PLCL2: variants seen among roughly 807,000 people sequenced by gnomAD.
The protein encoded by PLCL2 is inactive phospholipase C-like protein 2.
Under a neutral mutation model 79.6 loss-of-function variants are expected in PLCL2, and 4 were observed. The ratio of observed to expected loss-of-function variants is 0.05; its 90% CI spans 0.02 to 0.11. The LOEUF (loss-of-function observed/expected upper bound fraction) is 0.11. Among genes scored for constraint, PLCL2 ranks in the 10% least tolerant of loss-of-function variants. PLCL2 has a pLI of 1.00. For missense variants in PLCL2, 895 were observed against 1,291.0 expected, an observed-to-expected ratio of 0.69 and a Z score of 4.70; for synonymous variants, 484 against 457.7, an observed-to-expected ratio of 1.06 and a Z score of -0.73.
At chr3:16,935,121 CCTTTT>C (rs1474165846) in intron 1 of PLCL2, among the ~76,000 whole-genome samples, 3 of 152,122 alleles carry the variant, frequency 2.0e-5, no homozygotes, top group African/African-American at 7.2e-5. Flanking sequence ...AAAATACATA[CCTTTT>C]CTTTATTTTA....
chr3:16,962,658 C>G (rs898998369), intron 1 of PLCL2, among the ~76,000 whole-genome samples: 1 of 151,996 alleles, frequency 6.6e-6, no homozygotes, highest in Non-Finnish European at 1.5e-5. Context: ...AAATTCAAAT[C>G]AGAGGGGAGC....
rs781707143 is a variant in PLCL2, at chr3:17,009,669, C to G, written c.328-5C>G. On this transcript the variant is annotated splice_region_variant and splice_polypyrimidine_tract_variant and intron_variant, in intron 1 of 5. Coordinates refer to ENST00000615277, the MANE Select transcript of PLCL2 (RefSeq NM_001144382.2). The surrounding 1 kb of genome is among the most constrained non-coding windows in gnomAD (Gnocchi z 4.0). ...TTCTAATATACGGTCTTTTTTTCCT[C>G]TCAGGATGGTACAAAACAGAAGAGG... 1 of 1,528,478 alleles carries G rather than the reference C, an allele frequency of 6.5e-7. No homozygotes were observed. Among genetic ancestry groups the G allele is most frequent in the African/African-American group, 1.4e-5 (1 of 72,378 alleles). The allele number at this position is 1,528,478 out of a possible 1,614,324, so 94.7% of individuals were successfully genotyped here.
chr3:16,930,482 T>G (rs1047168480), intron 1 of PLCL2, among the ~76,000 whole-genome samples: 2 of 152,226 alleles, frequency 1.3e-5, no homozygotes, highest in African/African-American at 4.8e-5. Flanking sequence ...CCTTTGCTGA[T>G]TATATCTCTG....
At chr3:17,031,177 A>T (rs1056857466) in intron 3 of PLCL2, among the ~76,000 whole-genome samples, 4 of 152,108 alleles carry the variant, frequency 2.6e-5, no homozygotes, top group Admixed American at 2.6e-4. Context: ...AACCATTCTC[A>T]TCAGTTTTTT....
At chr3:17,014,383 G>T (rs60945602) in intron 2 of PLCL2, among the ~76,000 whole-genome samples, 4,393 of 151,602 alleles carry the variant, frequency 0.029, 237 homozygotes, top group African/African-American at 0.1. Context: ...GAAGCTATTC[G>T]CTCTGTTTGC....
At chr3:17,005,187 A>G (rs752552057) in intron 1 of PLCL2, among the ~76,000 whole-genome samples, 1 of 152,168 alleles carries the variant, frequency 6.6e-6, no homozygotes, top group Non-Finnish European at 1.5e-5. Context: ...AGTCTTTCAA[A>G]TGGAATAGGA....
chr3:16,887,848 T>A lies in PLCL2; in HGVS notation c.327+2482T>A, dbSNP rs1696259406. 6.6e-6 allele frequency among the ~76,000 whole-genome samples: 1 copy of A among 151,922 alleles called. No individual in the cohort carries two copies. The highest frequency in any genetic ancestry group is 1.5e-5 in the Non-Finnish European group (1 of 68,002). ...AGCAGAAGCCCATGTGAAAAAGCAA[T>A]AGTGACATCTTTCCTTGGTTTCCTT... On this transcript the variant is annotated intron_variant, in intron 1 of 5. Coordinates refer to ENST00000615277, the MANE Select transcript of PLCL2 (RefSeq NM_001144382.2). The surrounding 1 kb of genome is among the most constrained non-coding windows in gnomAD (Gnocchi z 4.1).
Position 17,010,635 on chromosome 3 carries a change from A to G in PLCL2, c.1289A>G (p.Gln430Arg). ...EHKKVCQDMK[Q>R]PLSHYFINSS... ...AAGAAGGTCTGTCAGGATATGAAGCAACCTCTGTCTCATTACTTTATAAAC... is the reference window on the plus strand; with the variant it reads ...AAGAAGGTCTGTCAGGATATGAAGCGACCTCTGTCTCATTACTTTATAAAC... Residue 430 changes from glutamine to arginine, a missense_variant, in exon 2 of 6, where the codon CAA (glutamine) becomes CGA (arginine). By Grantham distance (43) the Gln-to-Arg change is conservative (BLOSUM62 1). This residue lies in a region of PLCL2 where 242 missense variants were observed against 399.5 expected (regional missense o/e 0.61). Transcript: ENST00000615277. The surrounding 1 kb of genome is among the most constrained non-coding windows in gnomAD (Gnocchi z 5.8). 3 of 1,614,058 alleles carry G rather than the reference A, an allele frequency of 1.9e-6. No homozygotes were observed. The highest frequency in any genetic ancestry group is 2.5e-6 in the Non-Finnish European group (3 of 1,179,902).
chr3:16,958,016 C>T (rs941717126), intron 1 of PLCL2, among the ~76,000 whole-genome samples: 26 of 152,232 alleles, frequency 1.7e-4, no homozygotes, highest in South Asian at 8.3e-4. Flanking sequence ...TTGGAGCATG[C>T]AGTCCATTTA....
At chr3:16,904,608 G>A (rs1696709548) in intron 1 of PLCL2, among the ~76,000 whole-genome samples, 1 of 152,132 alleles carries the variant, frequency 6.6e-6, no homozygotes, top group South Asian at 2.1e-4. Context: ...CAGCCTGGAA[G>A]CAGACAACCA....
intron 1 of PLCL2, among the ~76,000 whole-genome samples, chr3:16,968,679 A>G (rs1218998474): frequency 6.6e-6 from 1 of 152,134 alleles, no homozygotes; most frequent in Non-Finnish European, 1.5e-5. Context: ...GACAGAAACT[A>G]TGGGGTGTTC....
At chr3:17,038,955 A>G (rs1361844729) in intron 3 of PLCL2, among the ~76,000 whole-genome samples, 2 of 152,194 alleles carry the variant, frequency 1.3e-5, no homozygotes, top group Admixed American at 6.5e-5. Flanking sequence ...TATTTTGCCT[A>G]TAATACCAGA....
At chr3:16,995,250 C>T (rs2064142041) in intron 1 of PLCL2, among the ~76,000 whole-genome samples, 1 of 152,212 alleles carries the variant, frequency 6.6e-6, no homozygotes, top group Non-Finnish European at 1.5e-5. Flanking sequence ...AAATAAATGC[C>T]TACATGTATA....
intron 1 of PLCL2, among the ~76,000 whole-genome samples, chr3:16,891,794 C>A (rs1035196005): frequency 6.6e-6 from 1 of 152,200 alleles, no homozygotes; most frequent in Non-Finnish European, 1.5e-5. Context: ...ACAACCTATG[C>A]TGGAGCCCCA....
intron 4 of PLCL2, among the ~76,000 whole-genome samples, chr3:17,064,143 A>G (rs6777357): frequency 0.22 from 33,506 of 152,154 alleles, 4,093 homozygotes; most frequent in East Asian, 0.54. Flanking sequence ...AAAGTTCTTT[A>G]TACACCACTG....
chr3:17,027,663 C>A (rs2064532187), intron 3 of PLCL2, among the ~76,000 whole-genome samples: 1 of 152,152 alleles, frequency 6.6e-6, no homozygotes, highest in Non-Finnish European at 1.5e-5. Flanking sequence ...TTTCTTCCTT[C>A]CTTTCCTTTA....
intron 3 of PLCL2, among the ~76,000 whole-genome samples, chr3:17,028,106 G>C (rs1427273173): frequency 1.3e-5 from 2 of 152,172 alleles, no homozygotes; most frequent in Non-Finnish European, 1.5e-5. Context: ...CCTTCTCTCA[G>C]CCAAATCAAG....
At position 17,010,145 on chromosome 3, in the gene PLCL2, A is replaced by T. The variant is rs1374633462; in HGVS notation, c.799A>T (p.Met267Leu). 9 of 1,613,538 alleles carry T rather than the reference A, an allele frequency of 5.6e-6. No individual in the cohort carries two copies. Among genetic ancestry groups the T allele is most frequent in the Non-Finnish European group, 6.8e-6 (8 of 1,179,574 alleles). Residue 267 changes from methionine (M) to leucine (L), a missense_variant, in exon 2 of 6, where the codon ATG becomes TTG. Met to Leu is a conservative substitution (Grantham distance 15, BLOSUM62 2). Transcript: ENST00000615277. The surrounding 1 kb of genome is among the most constrained non-coding windows in gnomAD (Gnocchi z 5.8). ...TATGTTAGAAAGTAGCCAAGATAAC[A>T]TGAGGACTTCTTGGGTTTCACAAAT... is the stretch of plus-strand genomic sequence containing the variant. Reference protein sequence around the residue: ...LDMLESSQDNMRTSWVSQMFS... With the variant: ...LDMLESSQDNLRTSWVSQMFS...
intron 1 of PLCL2, among the ~76,000 whole-genome samples, chr3:16,901,178 C>A (rs1354357213): frequency 6.6e-6 from 1 of 152,186 alleles, no homozygotes; most frequent in Non-Finnish European, 1.5e-5. Flanking sequence ...GCAAGTCAGA[C>A]CTGTTTGTTC....
Sources: gnomAD v4.1 joint callset for allele counts (sites outside exome capture counted in the v4.1 genomes callset) on GRCh38, gnomAD v4.1.1 for gene constraint, gnomAD v4.1.1 regional missense constraint, Gnocchi (gnomAD v3.1) non-coding constraint, MANE v1.5 for transcripts, NCBI Gene and HGNC (gene_info 2026-07-23, HGNC 2026-07-21) for gene names.